The following MAML1 variants were observed in gnomAD, a reference collection of about 807,000 sequenced individuals.
MAML1 encodes mastermind-like protein 1.
MAML1 carries 14 observed loss-of-function variants against 77.1 expected under a neutral mutation model. The ratio of observed to expected loss-of-function variants is 0.18; its 90% CI spans 0.12 to 0.28. The LOEUF is 0.28. Ranked by LOEUF, MAML1 falls within the 10% of genes least tolerant of loss-of-function variation. The probability of loss-of-function intolerance (pLI) is 1.00; values close to 1 mark genes in which losing one functional copy is unlikely to be tolerated. For missense variants in MAML1, 1,217 were observed against 1,327.8 expected, an observed-to-expected ratio of 0.92 and a Z score of 1.30; for synonymous variants, 516 against 551.9, an observed-to-expected ratio of 0.93 and a Z score of 0.91.
At chr5:179,748,570 G>T (rs921699074) in intron 1 of MAML1, among the ~76,000 whole-genome samples, 5 of 152,158 alleles carry the variant, frequency 3.3e-5, no homozygotes, top group Non-Finnish European at 5.9e-5. Context: ...TAAGTGGTCC[G>T]ACATCCGAAT....
chr5:179,774,876 A>G lies in MAML1; in HGVS notation c.3050A>G (p.Ter1017=), dbSNP rs753517083. The change falls in exon 5 of 5, where the codon TAA becomes TGA. Residue 1017 remains the stop codon, a stop_retained_variant. Transcript: ENST00000292599. The stretch of plus-strand genomic sequence containing the variant: ...TTGGACGACCTGTTAGGGTCTCAGT[A>G]ATGGAAGGATTTGTAGTGTTTTTAG... ...SDLDDLLGSQ[*] The G allele has an allele frequency of 6.3e-7, 1 of 1,597,872 alleles. No individual in the cohort carries two copies. Among genetic ancestry groups the G allele is most frequent in the Non-Finnish European group, 8.5e-7 (1 of 1,170,294 alleles).
At chr5:179,737,911 C>T (rs1779203733) in intron 1 of MAML1, among the ~76,000 whole-genome samples, 1 of 97,558 alleles carries the variant, frequency 1.0e-5, no homozygotes, top group Admixed American at 9.3e-5. Flanking sequence ...GTCCTCCCAC[C>T]TCAGCCTCCT....
intron 1 of MAML1, among the ~76,000 whole-genome samples, chr5:179,750,327 C>G (rs1779461444): frequency 2.6e-5 from 4 of 152,120 alleles, no homozygotes; most frequent in Admixed American, 2.6e-4. Flanking sequence ...CCAACTCTCT[C>G]TTTGAGTGAT....
At chr5:179,735,270 A>G (rs1779144894) in intron 1 of MAML1, among the ~76,000 whole-genome samples, 1 of 152,222 alleles carries the variant, frequency 6.6e-6, no homozygotes, top group Non-Finnish European at 1.5e-5. Flanking sequence ...CCACCCTGCC[A>G]GTCCCAGCTT....
At chr5:179,753,084 C>T (rs1779529097) in intron 1 of MAML1, among the ~76,000 whole-genome samples, 6 of 152,100 alleles carry the variant, frequency 3.9e-5, no homozygotes, top group Admixed American at 3.9e-4. Flanking sequence ...ATCTGTGGAA[C>T]TCTTATCTCA....
In MAML1 at chr5:179,752,325, CAAAAA is replaced by C. The variant is rs1177449054; in HGVS notation, c.316-12979_316-12975del. Among the ~76,000 whole-genome samples the C allele has an allele frequency of 2.0e-4, 11 of 53,676 alleles. No individual in the cohort carries two copies. The East Asian group carries it at 2.7e-3, about 13-fold the overall frequency. 35.2% of individuals were successfully genotyped at this position (53,676 alleles called of 152,430 possible). A position where few individuals can be genotyped will look rare whatever the true frequency, so the allele number is the denominator to read the frequency against. ...TGGCAACAGAGCTAGACTCTGTCTC[CAAAAA>C]AAAAAAAAAAAAAAAAAAAAATATA... On this transcript the variant is annotated intron_variant, in intron 1 of 4. Coordinates refer to ENST00000292599, the MANE Select transcript of MAML1 (RefSeq NM_014757.5).
chr5:179,759,958 AAGG>A (rs1779696436), intron 1 of MAML1, among the ~76,000 whole-genome samples: 2 of 152,334 alleles, frequency 1.3e-5, no homozygotes, highest in Admixed American at 6.5e-5. Context: ...TGTAGGGACT[AAGG>A]AGGAGCGGGA....
At chr5:179,746,033 CA>C (rs35594249) in intron 1 of MAML1, among the ~76,000 whole-genome samples, 102,522 of 138,990 alleles carry the variant, frequency 0.74, 37,984 homozygotes, top group Non-Finnish European at 0.81. Flanking sequence ...AACTCTGCCT[CA>C]AAAAAAAAAA....
chr5:179,753,654 A>ATTTTTTTT (rs1209995171), intron 1 of MAML1, among the ~76,000 whole-genome samples: 62 of 88,816 alleles, frequency 7.0e-4, no homozygotes, highest in South Asian at 1.0e-3. Context: ...TATTATTATT[A>ATTTTTTTT]TTTTTTTTTT....
chr5:179,766,258 G>A lies in MAML1; in HGVS notation c.1248G>A (p.Gln416=), dbSNP rs1562571491. 1 of 1,613,754 alleles carries A rather than the reference G, an allele frequency of 6.2e-7. No individual in the cohort carries two copies. The highest frequency in any genetic ancestry group is 1.3e-5 in the African/African-American group (1 of 74,946). ...QKREQMLQNP[Q]QATPAPAPGQ... ...GCGAGCAGATGCTCCAGAACCCACA[G>A]CAGGCCACCCCGGCACCAGCCCCGG... The change falls in exon 2 of 5, where the codon CAG becomes CAA. Residue 416 remains glutamine (Q), a synonymous_variant. Coordinates refer to ENST00000292599, the MANE Select transcript of MAML1 (RefSeq NM_014757.5). The surrounding 1 kb of genome is among the most constrained non-coding windows in gnomAD (Gnocchi z 4.0).
chr5:179,753,218 TGTGTGCGCGCGCGC>T (rs1779536787), intron 1 of MAML1, among the ~76,000 whole-genome samples: 1 of 64,036 alleles, frequency 1.6e-5, no homozygotes, highest in Non-Finnish European at 3.8e-5. Flanking sequence ...TGTGTGTGTG[TGTGTGCGCGCGCGC>T]GCGCGCGTGC....
chr5:179,775,271 A>G lies in MAML1; in HGVS notation c.*394A>G. ...TCCACTTACCCCAGTGCTGGGGACA[A>G]GTTTCTGTTGAAACTTTAGATAGCA... On this transcript the variant is annotated 3_prime_UTR_variant, in exon 5 of 5. Transcript: ENST00000292599. 2 of 1,002,014 alleles carry G rather than the reference A, an allele frequency of 2.0e-6. No individual in the cohort carries two copies. Among genetic ancestry groups the G allele is most frequent in the Non-Finnish European group, 2.4e-6 (2 of 841,170 alleles). 62.1% of individuals were successfully genotyped at this position (1,002,014 alleles called of 1,614,324 possible).
intron 1 of MAML1, among the ~76,000 whole-genome samples, chr5:179,747,808 CA>C (rs71001044): frequency 3.5e-3 from 143 of 40,880 alleles, no homozygotes; most frequent in Middle Eastern, 0.028. Context: ...GACTCCATCT[CA>C]AAAAAAAAAA....
At chr5:179,761,385 G>GA (rs1779723478) in intron 1 of MAML1, among the ~76,000 whole-genome samples, 1 of 151,522 alleles carries the variant, frequency 6.6e-6, no homozygotes, top group Non-Finnish European at 1.5e-5. Context: ...GACAGAGTGA[G>GA]ACCCTGTCTC....
At chr5:179,760,488 C>T (rs930899994) in intron 1 of MAML1, among the ~76,000 whole-genome samples, 1 of 152,092 alleles carries the variant, frequency 6.6e-6, no homozygotes, top group Admixed American at 6.5e-5. Context: ...GTAAGCCAGC[C>T]GCATGACCCC....
chr5:179,745,324 T>TA (rs1303409519), intron 1 of MAML1, among the ~76,000 whole-genome samples: 2 of 152,218 alleles, frequency 1.3e-5, no homozygotes, highest in Non-Finnish European at 2.9e-5. Flanking sequence ...TTTATGGAGT[T>TA]ACTTGTAGCC....
intron 1 of MAML1, among the ~76,000 whole-genome samples, chr5:179,753,093 C>T (rs993103186): frequency 6.6e-6 from 1 of 152,100 alleles, no homozygotes; most frequent in African/African-American, 2.4e-5. Context: ...ACTCTTATCT[C>T]ACTGTCACTT....
chr5:179,749,000 CTG>C (rs1470674185), intron 1 of MAML1, among the ~76,000 whole-genome samples: 1 of 150,962 alleles, frequency 6.6e-6, no homozygotes, highest in Non-Finnish European at 1.5e-5. Context: ...GAGTCTCACT[CTG>C]TCGCCCGGGC....
chr5:179,740,894 C>T (rs180770693), intron 1 of MAML1, among the ~76,000 whole-genome samples: 2 of 152,228 alleles, frequency 1.3e-5, no homozygotes, highest in Middle Eastern at 3.4e-3. Flanking sequence ...CAACTATATC[C>T]CTGGCCATTT....
Sources: allele counts gnomAD v4.1 joint callset (sites outside exome capture counted in the v4.1 genomes callset), GRCh38; gene constraint gnomAD v4.1.1; non-coding constraint Gnocchi (gnomAD v3.1); transcripts MANE v1.5; gene names NCBI Gene and HGNC (gene_info 2026-07-23, HGNC 2026-07-21).